CDKN2AIP: variants seen among roughly 807,000 people sequenced by gnomAD.
CDKN2AIP encodes the protein CDKN2A interacting protein.
In CDKN2AIP, 12 loss-of-function variants were observed where a neutral mutation model predicts 44.1. The observed-to-expected ratio is 0.27, with a 90% CI of 0.17 to 0.44. CDKN2AIP has a LOEUF of 0.44. CDKN2AIP is among the 20% of genes least tolerant of loss of function. CDKN2AIP has a pLI of 1.00. For synonymous variants in CDKN2AIP, 291 were observed against 272.1 expected (o/e 1.07, Z -0.68); for missense variants, 705 against 681.6 (o/e 1.03, Z -0.38).
Position 183,447,275 on chromosome 4 carries a change from G to A in CDKN2AIP, c.1591G>A (p.Ala531Thr), listed in dbSNP as rs1208339973. 1 of 1,612,070 alleles carries A rather than the reference G, an allele frequency of 6.2e-7. No homozygotes were observed. Among genetic ancestry groups the A allele is most frequent in the Non-Finnish European group, 8.5e-7 (1 of 1,179,548 alleles). The change falls in exon 3 of 3, where the codon GCA (alanine) becomes ACA (threonine). Residue 531 changes from alanine (A) to threonine (T), a missense_variant. By Grantham distance (58) the Ala-to-Thr change is moderately conservative. Around this residue, in one of 2 missense-constraint regions of CDKN2AIP, gnomAD observed 113 missense variants for 163.6 expected, o/e 0.69. Transcript: ENST00000504169. The part of the protein sequence containing the change: ...ENAKAVASRE[A>T]LKLFLKKKVV... The stretch of plus-strand genomic sequence containing the variant: ...TGCAAAAGCAGTTGCATCAAGAGAA[G>A]CATTGAAGTTATTTCTCAAGAAAAA...
At chr4:183,446,015 A>C (rs1733657576) in intron 2 of CDKN2AIP, 73 bp from the exon 3 acceptor site, 1 of 1,184,744 alleles carries the variant, frequency 8.4e-7, no homozygotes, top group Non-Finnish European at 1.2e-6. Context: ...CTTTATTTTA[A>C]TGTGTATTTG....
At position 183,447,350 on chromosome 4, in the gene CDKN2AIP, G is replaced by C; in HGVS notation, c.1666G>C (p.Asp556His). The C allele has an allele frequency of 6.3e-7, 1 of 1,595,668 alleles. No homozygotes were observed. The highest frequency in any genetic ancestry group is 8.5e-7 in the Non-Finnish European group (1 of 1,172,770). The change falls in exon 3 of 3, where the codon GAT (aspartate) becomes CAT (histidine). Residue 556 changes from aspartate to histidine, a missense_variant. Around this residue, in one of 2 missense-constraint regions of CDKN2AIP, gnomAD observed 113 missense variants for 163.6 expected, o/e 0.69. Transcript: ENST00000504169. ...GAAATACAGAGGCAGTGAAATAGAA[G>C]ATCTAGTACTCCTTGATGAAGAATC... ...KRKYRGSEIE[D>H]LVLLDEESRP...
Position 183,446,172 on chromosome 4 carries a change from C to G in CDKN2AIP, c.488C>G (p.Ala163Gly). Residue 163 changes from alanine to glycine, a missense_variant, in exon 3 of 3, where the codon GCC (alanine) becomes GGC (glycine). This residue lies in a region of CDKN2AIP where 592 missense variants were observed against 518.0 expected (regional missense o/e 1.14). Transcript: ENST00000504169. ...AVEQDHAKTS[A>G]KTERASAQQE... Reference sequence around the variant, plus strand: ...GAGCAAGATCACGCAAAAACCTCTGCCAAGACAGAACGTGCATCAGCTCAG... The same window carrying G: ...GAGCAAGATCACGCAAAAACCTCTGGCAAGACAGAACGTGCATCAGCTCAG... 6.2e-7 allele frequency: 1 copy of G among 1,614,082 alleles called. No homozygotes were observed. Among genetic ancestry groups the G allele is most frequent in the Non-Finnish European group, 8.5e-7 (1 of 1,179,942 alleles).
rs201678930 is a variant in CDKN2AIP at position 183,446,481 on chromosome 4, G to A, written c.797G>A (p.Ser266Asn). 4.3e-6 allele frequency: 7 copies of A among 1,613,964 alleles called. No individual in the cohort carries two copies. Among genetic ancestry groups the A allele is most frequent in the African/African-American group, 4.0e-5 (3 of 75,028 alleles). Reference sequence around the variant, plus strand: ...CAATCCACTGATTCTAGACAACAAAGTGGATCACCTAAAAAGAGTGCTTTG... The same window carrying A: ...CAATCCACTGATTCTAGACAACAAAATGGATCACCTAAAAAGAGTGCTTTG... The part of the protein sequence containing the change: ...MTQSTDSRQQ[S>N]GSPKKSALEG... Residue 266 changes from serine to asparagine, a missense_variant, in exon 3 of 3, where the codon AGT becomes AAT. Ser to Asn is a conservative substitution (Grantham distance 46, BLOSUM62 1). Coordinates refer to ENST00000504169, the MANE Select transcript of CDKN2AIP (RefSeq NM_017632.4).
chr4:183,446,176 G>A lies in CDKN2AIP; in HGVS notation c.492G>A (p.Lys164=). The part of the protein sequence containing the change: ...VEQDHAKTSA[K]TERASAQQEN... ...AAGATCACGCAAAAACCTCTGCCAA[G>A]ACAGAACGTGCATCAGCTCAGCAGG... The change falls in exon 3 of 3, where the codon AAG becomes AAA. Residue 164 remains lysine, a synonymous_variant. Transcript: ENST00000504169. 6.2e-7 allele frequency: 1 copy of A among 1,614,176 alleles called. No individual in the cohort carries two copies. Among genetic ancestry groups the A allele is most frequent in the Non-Finnish European group, 8.5e-7 (1 of 1,180,016 alleles).
Position 183,446,829 on chromosome 4 carries a change from C to T in CDKN2AIP, c.1145C>T (p.Ser382Phe). 8 of 1,614,232 alleles carry T rather than the reference C, an allele frequency of 5.0e-6. No individual in the cohort carries two copies. The African/African-American group carries it at 5.3e-5, about 11-fold the overall frequency. Reference sequence around the variant, plus strand: ...AAGAGCAGCTCCCAGACCAGTGGATCTCTGGTTTCCAAAAGCACTTCCTTA... The same window carrying T: ...AAGAGCAGCTCCCAGACCAGTGGATTTCTGGTTTCCAAAAGCACTTCCTTA... The part of the protein sequence containing the change: ...ASKSSSQTSG[S>F]LVSKSTSLAS... Residue 382 changes from serine (S) to phenylalanine (F), a missense_variant, in exon 3 of 3, where the codon TCT becomes TTT. Physicochemically the swap from Ser to Phe is radical, Grantham distance 155. Around this residue, in one of 2 missense-constraint regions of CDKN2AIP, gnomAD observed 592 missense variants for 518.0 expected, o/e 1.14. Coordinates refer to ENST00000504169, the MANE Select transcript of CDKN2AIP (RefSeq NM_017632.4).
At position 183,445,680 on chromosome 4, in the gene CDKN2AIP, G is replaced by A; in HGVS notation, c.403+15G>A. On this transcript the variant is annotated intron_variant, in intron 2 of 2. Transcript: ENST00000504169. ...GAGTAGCAATGGTTAGCAGATCATA[G>A]ATGTGAACATACATAGGAGTTTAGA... 1 of 1,601,798 alleles carries A rather than the reference G, an allele frequency of 6.2e-7. No homozygotes were observed. Among genetic ancestry groups the A allele is most frequent in the Non-Finnish European group, 8.6e-7 (1 of 1,168,962 alleles).
rs375565205 is a variant in CDKN2AIP, at chr4:183,446,702, T to A, written c.1018T>A (p.Ser340Thr). The A allele has an allele frequency of 4.3e-6, 7 of 1,614,084 alleles. No homozygotes were observed. Among genetic ancestry groups the A allele is most frequent in the African/African-American group, 4.0e-5 (3 of 74,934 alleles). The part of the protein sequence containing the change: ...SSSVAKNSSS[S>T]GTSLLTPKSS... ...ATCAGTTGCTAAAAACAGTTCCTCA[T>A]CAGGCACATCCTTACTGACTCCCAA... Residue 340 changes from serine (S) to threonine (T), a missense_variant, in exon 3 of 3, where the codon TCA (serine) becomes ACA (threonine). Transcript: ENST00000504169.
At position 183,444,704 on chromosome 4, in the gene CDKN2AIP, G is replaced by C. The variant is rs1331715032; in HGVS notation, c.-94G>C. On this transcript the variant is annotated 5_prime_UTR_variant, in exon 1 of 3. Transcript: ENST00000504169. Reference sequence around the variant, plus strand: ...GGCCTGCGGAGGGGCGTTATCTGGAGGGCCGCGGGTGCAGGCCGCAGTGAC... The same window carrying C: ...GGCCTGCGGAGGGGCGTTATCTGGACGGCCGCGGGTGCAGGCCGCAGTGAC... 7.7e-7 allele frequency: 1 copy of C among 1,304,276 alleles called. No homozygotes were observed. The highest frequency in any genetic ancestry group is 1.0e-6 in the Non-Finnish European group (1 of 981,322). 80.8% of individuals were successfully genotyped at this position (1,304,276 alleles called of 1,614,324 possible). A position where few individuals can be genotyped will look rare whatever the true frequency, so the allele number is the denominator to read the frequency against.
At position 183,446,387 on chromosome 4, in the gene CDKN2AIP, G is replaced by T; in HGVS notation, c.703G>T (p.Ala235Ser). 6.3e-7 allele frequency: 1 copy of T among 1,596,996 alleles called. No individual in the cohort carries two copies. The highest frequency in any genetic ancestry group is 8.6e-7 in the Non-Finnish European group (1 of 1,169,288). Residue 235 changes from alanine to serine, a missense_variant, in exon 3 of 3, where the codon GCT becomes TCT. This residue lies in a region of CDKN2AIP where 592 missense variants were observed against 518.0 expected (regional missense o/e 1.14). Coordinates refer to ENST00000504169, the MANE Select transcript of CDKN2AIP (RefSeq NM_017632.4). ...ATCTGGGAAAGCTTCTGAAGCAGAAGCTCCAGATAAACACGGTTCTGCATC... is the reference window on the plus strand; with the variant it reads ...ATCTGGGAAAGCTTCTGAAGCAGAATCTCCAGATAAACACGGTTCTGCATC... ...AGSGKASEAE[A>S]PDKHGSASFV... is the part of the protein sequence containing the mutation.
In CDKN2AIP at chr4:183,447,593, TATGA is replaced by T; in HGVS notation, c.*171_*174del. ...CACACAGTAGCAGTTGTAAATAATT[TATGA>T]ATGACAGTACACATTAAAAGGTATG... On this transcript the variant is annotated 3_prime_UTR_variant, in exon 3 of 3. Transcript: ENST00000504169. 1 of 518,868 alleles carries T rather than the reference TATGA, an allele frequency of 1.9e-6. No individual in the cohort carries two copies. The highest frequency in any genetic ancestry group is 3.4e-6 in the Non-Finnish European group (1 of 295,554). 32.1% of individuals were successfully genotyped at this position (518,868 alleles called of 1,614,324 possible). A position where few individuals can be genotyped will look rare whatever the true frequency, so the allele number is the denominator to read the frequency against.
At position 183,446,025 on chromosome 4, in the gene CDKN2AIP, G is replaced by C. The variant is rs1277646402; in HGVS notation, c.404-63G>C. On this transcript the variant is annotated intron_variant, in intron 2 of 2. Transcript: ENST00000504169. ...TGTGCCTTTATTTTAATGTGTATTTGTCTCATCACCCGTTTTGTACGAGGT... is the reference window on the plus strand; with the variant it reads ...TGTGCCTTTATTTTAATGTGTATTTCTCTCATCACCCGTTTTGTACGAGGT... 3 of 1,307,604 alleles carry C rather than the reference G, an allele frequency of 2.3e-6. No homozygotes were observed. The East Asian group carries it at 6.9e-5, about 30-fold the overall frequency. 81.0% of individuals were successfully genotyped at this position (1,307,604 alleles called of 1,614,324 possible).
chr4:183,446,199 A>C lies in CDKN2AIP; in HGVS notation c.515A>C (p.Gln172Pro). 6.2e-7 allele frequency: 1 copy of C among 1,614,216 alleles called. No homozygotes were observed. Among genetic ancestry groups the C allele is most frequent in the Non-Finnish European group, 8.5e-7 (1 of 1,180,020 alleles). Residue 172 changes from glutamine (Q) to proline (P), a missense_variant, in exon 3 of 3, where the codon CAG becomes CCG. Gln to Pro is a moderately conservative substitution (Grantham distance 76). Transcript: ENST00000504169. ...SAKTERASAQ[Q>P]ENSSTCIGSA... ...AAGACAGAACGTGCATCAGCTCAGCAGGAAAACAGTTCAACGTGTATAGGG... is the reference window on the plus strand; with the variant it reads ...AAGACAGAACGTGCATCAGCTCAGCCGGAAAACAGTTCAACGTGTATAGGG...
Position 183,444,937 on chromosome 4 carries a change from C to A in CDKN2AIP, c.140C>A (p.Ala47Asp), listed in dbSNP as rs777022788. 3.1e-6 allele frequency: 5 copies of A among 1,611,260 alleles called. No homozygotes were observed. Among genetic ancestry groups the A allele is most frequent in the East Asian group, 4.5e-5 (2 of 44,828 alleles). The change falls in exon 1 of 3, where the codon GCC (alanine) becomes GAC (aspartate). Residue 47 changes from alanine to aspartate, a missense_variant. Coordinates refer to ENST00000504169, the MANE Select transcript of CDKN2AIP (RefSeq NM_017632.4). ...DFLLRNAGDL[A>D]PAGGAASAST... Reference sequence around the variant, plus strand: ...TTGCTTCGCAACGCCGGGGACCTGGCCCCCGCTGGCGGCGCTGCCTCCGCT... The same window carrying A: ...TTGCTTCGCAACGCCGGGGACCTGGACCCCGCTGGCGGCGCTGCCTCCGCT...
In CDKN2AIP at chr4:183,445,131, C is replaced by T. The variant is rs1733638443; in HGVS notation, c.272+62C>T. 8 of 1,508,874 alleles carry T rather than the reference C, an allele frequency of 5.3e-6. No homozygotes were observed. The East Asian group carries it at 6.9e-5, about 13-fold the overall frequency. 93.5% of individuals were successfully genotyped at this position (1,508,874 alleles called of 1,614,324 possible). On this transcript the variant is annotated intron_variant, in intron 1 of 2. Transcript: ENST00000504169. ...TTTGTGTGCCACCTGCAGACCGGGG[C>T]CCGGCGCCCTCCGCGGGACCGGCCT... is the stretch of plus-strand genomic sequence containing the variant.
chr4:183,447,007 T>C lies in CDKN2AIP; in HGVS notation c.1323T>C (p.Asn441=), dbSNP rs1348798134. Reference sequence around the variant, plus strand: ...TGAAACAGAAGCAACCTTTTTTCAATAGACTATATAAAACGGTGGCATGGA... The same window carrying C: ...TGAAACAGAAGCAACCTTTTTTCAACAGACTATATAAAACGGTGGCATGGA... ...EDVKQKQPFF[N]RLYKTVAWKL... Residue 441 remains asparagine (N), a synonymous_variant, in exon 3 of 3, where the codon AAT becomes AAC. Coordinates refer to ENST00000504169, the MANE Select transcript of CDKN2AIP (RefSeq NM_017632.4). 4.3e-6 allele frequency: 7 copies of C among 1,613,964 alleles called. No individual in the cohort carries two copies. The highest frequency in any genetic ancestry group is 3.3e-5 in the Admixed American group (2 of 60,012).
chr4:183,447,421 A>C lies in CDKN2AIP; in HGVS notation c.1737A>C (p.Leu579Phe). Residue 579 changes from leucine to phenylalanine, a missense_variant, in exon 3 of 3, where the codon TTA (leucine) becomes TTC (phenylalanine). Leu to Phe is a conservative substitution (Grantham distance 22). This residue lies in a region of CDKN2AIP where 113 missense variants were observed against 163.6 expected (regional missense o/e 0.69). Transcript: ENST00000504169. The part of the protein sequence containing the change: ...LPPALKHPQE[L>F]L ...CAGCACTAAAACATCCTCAAGAATTACTATAATGTGTCCAAAATATCACTG... is the reference window on the plus strand; with the variant it reads ...CAGCACTAAAACATCCTCAAGAATTCCTATAATGTGTCCAAAATATCACTG... 6.6e-7 allele frequency: 1 copy of C among 1,524,746 alleles called. No homozygotes were observed. Among genetic ancestry groups the C allele is most frequent in the African/African-American group, 1.4e-5 (1 of 71,910 alleles). The allele number at this position is 1,524,746 out of a possible 1,614,324, so 94.5% of individuals were successfully genotyped here.
Position 183,447,506 on chromosome 4 carries a change from T to G in CDKN2AIP, c.*79T>G, listed in dbSNP as rs1420447564. The stretch of plus-strand genomic sequence containing the variant: ...CTTTTGTATAGTATAAAACACAGGC[T>G]TTCACAAATTTTGTATTGCTTTTTT... On this transcript the variant is annotated 3_prime_UTR_variant, in exon 3 of 3. Transcript: ENST00000504169. 9.8e-7 allele frequency: 1 copy of G among 1,019,322 alleles called. No individual in the cohort carries two copies. The highest frequency in any genetic ancestry group is 1.4e-6 in the Non-Finnish European group (1 of 711,146). The allele number at this position is 1,019,322 out of a possible 1,614,324, so 63.1% of individuals were successfully genotyped here. A position where few individuals can be genotyped will look rare whatever the true frequency, so the allele number is the denominator to read the frequency against.
In CDKN2AIP at chr4:183,446,524, A is replaced by G; in HGVS notation, c.840A>G (p.Ser280=). 3 of 1,613,866 alleles carry G rather than the reference A, an allele frequency of 1.9e-6. No homozygotes were observed. The highest frequency in any genetic ancestry group is 2.5e-6 in the Non-Finnish European group (3 of 1,179,708). ...KKSALEGSSA[S]ASQSSSEIEV... is the part of the protein sequence containing the mutation. The stretch of plus-strand genomic sequence containing the variant: ...GTGCTTTGGAAGGCTCTTCAGCCTC[A>G]GCTTCTCAAAGCAGCTCAGAGATCG... Residue 280 remains serine, a synonymous_variant, in exon 3 of 3, where the codon TCA becomes TCG. Transcript: ENST00000504169.
Sources: gnomAD v4.1 joint callset for allele counts on GRCh38, gnomAD v4.1.1 for gene constraint, gnomAD v4.1.1 regional missense constraint, MANE v1.5 for transcripts, NCBI Gene and HGNC (gene_info 2026-07-23, HGNC 2026-07-21) for gene names.